EBF1: variants seen among roughly 807,000 people sequenced by gnomAD.
EBF1 encodes transcription factor COE1.
EBF1 carries 10 observed loss-of-function variants against 68.4 expected under a neutral mutation model. The ratio of observed to expected loss-of-function variants is 0.15; its 90% CI spans 0.09 to 0.25. The LOEUF (loss-of-function observed/expected upper bound fraction) is 0.25. EBF1 is among the 10% of genes least tolerant of loss of function. The pLI is 1.00. For synonymous variants in EBF1, 298 were observed against 299.8 expected, an observed-to-expected ratio of 0.99 and a Z score of 0.06; for missense variants, 509 against 794.4, an observed-to-expected ratio of 0.64 and a Z score of 4.32.
intron 10 of EBF1, among the ~76,000 whole-genome samples, chr5:158,749,776 G>T (rs1195666625): frequency 2.6e-5 from 4 of 152,048 alleles, no homozygotes; most frequent in Admixed American, 2.6e-4. Flanking sequence ...GTTGGATTTA[G>T]CATATCAACA....
chr5:158,919,294 G>A (rs1345110434), intron 6 of EBF1, among the ~76,000 whole-genome samples: 1 of 151,658 alleles, frequency 6.6e-6, no homozygotes, highest in Non-Finnish European at 1.5e-5. Context: ...GGGGGAACAT[G>A]GTACTCATGT....
intron 4 of EBF1, among the ~76,000 whole-genome samples, chr5:159,085,949 C>T (rs769547902): frequency 2.0e-5 from 3 of 151,978 alleles, no homozygotes; most frequent in Non-Finnish European, 4.4e-5. Context: ...TATCTGATCC[C>T]GTTACAAAAT....
intron 6 of EBF1, among the ~76,000 whole-genome samples, chr5:158,922,975 A>G (rs1339968974): frequency 6.6e-6 from 1 of 152,256 alleles, no homozygotes; most frequent in African/African-American, 2.4e-5. Flanking sequence ...TAAGTGGCTA[A>G]TTGCAGCCGA....
At chr5:159,032,298 C>T (rs1311028255) in intron 6 of EBF1, among the ~76,000 whole-genome samples, 2 of 152,194 alleles carry the variant, frequency 1.3e-5, no homozygotes, top group Non-Finnish European at 2.9e-5. Flanking sequence ...GAATAATTTA[C>T]TTAATTTTTC....
intron 6 of EBF1, among the ~76,000 whole-genome samples, chr5:158,960,466 G>A (rs1270508711): frequency 6.6e-6 from 1 of 151,930 alleles, no homozygotes; most frequent in Non-Finnish European, 1.5e-5. Context: ...GCAAAAGAAA[G>A]ACTCTAAAAC....
chr5:159,080,561 C>T (rs995386842), intron 5 of EBF1, among the ~76,000 whole-genome samples: 2 of 152,184 alleles, frequency 1.3e-5, no homozygotes, highest in African/African-American at 2.4e-5. Context: ...TTCTTTTATC[C>T]TCATTCACAC....
At chr5:158,812,416 C>A (rs1337177583) in intron 8 of EBF1, among the ~76,000 whole-genome samples, 5 of 152,156 alleles carry the variant, frequency 3.3e-5, no homozygotes, top group African/African-American at 1.2e-4. Context: ...GCAGCAGGCA[C>A]TCTATTCTCT....
chr5:159,014,751 C>T (rs1307649335), intron 6 of EBF1, among the ~76,000 whole-genome samples: 1 of 152,168 alleles, frequency 6.6e-6, no homozygotes, highest in Non-Finnish European at 1.5e-5. Flanking sequence ...GAGATGAAAG[C>T]AGGGTGCTAT....
chr5:158,712,261 T>C lies in EBF1; in HGVS notation c.1442A>G (p.Tyr481Cys). 1 of 1,614,102 alleles carries C rather than the reference T, an allele frequency of 6.2e-7. No individual in the cohort carries two copies. The highest frequency in any genetic ancestry group is 1.1e-5 in the South Asian group (1 of 91,042). Residue 481 changes from tyrosine to cysteine, a missense_variant, in exon 14 of 16, where the codon TAT becomes TGT. Physicochemically the swap from Tyr to Cys is radical, Grantham distance 194. This residue lies in a region of EBF1 where 205 missense variants were observed against 247.4 expected (regional missense o/e 0.83). Transcript: ENST00000313708. ...VPSTTPQQTN[Y>C]NSVTTSMNGY... ...GTTCATGCTCGTGGTGACGGAGTTA[T>C]AGTTGGTCTGCTGGGGAGTGGTGCT... is the stretch of plus-strand genomic sequence containing the variant.
intron 10 of EBF1, among the ~76,000 whole-genome samples, chr5:158,771,589 G>A (rs963621722): frequency 4.6e-5 from 7 of 152,128 alleles, no homozygotes; most frequent in Non-Finnish European, 1.0e-4. Flanking sequence ...ATAAGATTGA[G>A]GAAGAGTTTC....
chr5:158,795,096 T>C (rs1779375911), intron 9 of EBF1, among the ~76,000 whole-genome samples: 1 of 152,156 alleles, frequency 6.6e-6, no homozygotes, highest in East Asian at 1.9e-4. Flanking sequence ...GTAAGCAGTA[T>C]ACACAGAAGG....
At chr5:159,061,116 C>CT (rs1422681176) in intron 6 of EBF1, among the ~76,000 whole-genome samples, 10 of 152,070 alleles carry the variant, frequency 6.6e-5, no homozygotes, top group African/African-American at 2.4e-4. Context: ...CTGGGTATTT[C>CT]TTAATTATTA....
In EBF1 at chr5:158,696,373, C is replaced by T. The variant is rs952573813; in HGVS notation, c.*2738G>A. ...GAAGCAACAAAACACAAATTATACA[C>T]ATTTTAAAGGCTCTTTGGACTTTCA... On this transcript the variant is annotated 3_prime_UTR_variant, in exon 16 of 16. Coordinates refer to ENST00000313708, the MANE Select transcript of EBF1 (RefSeq NM_024007.5). 1.4e-5 allele frequency: 3 copies of T among 221,928 alleles called. No individual in the cohort carries two copies. The highest frequency in any genetic ancestry group is 2.7e-5 in the Non-Finnish European group (3 of 110,936). The allele number at this position is 221,928 out of a possible 1,614,324, so 13.7% of individuals were successfully genotyped here.
In EBF1 at chr5:158,807,035, T is replaced by G. The variant is rs75856348; in HGVS notation, c.779-10560A>C. 1.8e-3 allele frequency among the ~76,000 whole-genome samples: 278 copies of G among 152,292 alleles called. 2 individuals are homozygous for G. The highest frequency in any genetic ancestry group is 6.5e-3 in the African/African-American group (271 of 41,582). On this transcript the variant is annotated intron_variant, in intron 8 of 15. Coordinates refer to ENST00000313708, the MANE Select transcript of EBF1 (RefSeq NM_024007.5). ...CATTTCAAGTAGTCAATAGTTATAG[T>G]GGCTAGTAGCTATCATATTGGACAG...
intron 6 of EBF1, among the ~76,000 whole-genome samples, chr5:158,874,620 G>A (rs971132651): frequency 6.6e-6 from 1 of 152,158 alleles, no homozygotes; most frequent in African/African-American, 2.4e-5. Flanking sequence ...ATTACGCTGT[G>A]TGTAGACAGG....
rs73300087 is a variant in EBF1 at position 158,915,282 on chromosome 5, T to C, written c.555-75172A>G. On this transcript the variant is annotated intron_variant, in intron 6 of 15. Transcript: ENST00000313708. Reference sequence around the variant, plus strand: ...CTTCTTTGCTGGTACTTTTGGATTGTAGGAAAATAAATGTTTAGAAATGCC... The same window carrying C: ...CTTCTTTGCTGGTACTTTTGGATTGCAGGAAAATAAATGTTTAGAAATGCC... Among the ~76,000 whole-genome samples the C allele has an allele frequency of 9.3e-3, 1,424 of 152,308 alleles. 16 individuals are homozygous for C. Among genetic ancestry groups the C allele is most frequent in the African/African-American group, 0.033 (1,356 of 41,554 alleles).
chr5:158,820,235 C>T (rs1216179812), intron 8 of EBF1, among the ~76,000 whole-genome samples: 1 of 151,004 alleles, frequency 6.6e-6, no homozygotes, highest in Non-Finnish European at 1.5e-5. Context: ...CATGCTTTGC[C>T]GTCTCACCAT....
chr5:158,919,845 T>G (rs1241093629), intron 6 of EBF1, among the ~76,000 whole-genome samples: 3 of 152,226 alleles, frequency 2.0e-5, no homozygotes, highest in African/African-American at 7.2e-5. Context: ...ATCTGAAGTT[T>G]ATCAAGATTA....
chr5:158,974,615 C>T lies in EBF1; in HGVS notation c.554+98781G>A, dbSNP rs566535222. On this transcript the variant is annotated intron_variant, in intron 6 of 15. Coordinates refer to ENST00000313708, the MANE Select transcript of EBF1 (RefSeq NM_024007.5). The stretch of plus-strand genomic sequence containing the variant: ...TCTTTAAGGCGCTGTCATGATCAAT[C>T]GTAAAAATACATATTTAGAACATTT... 9.2e-5 allele frequency among the ~76,000 whole-genome samples: 14 copies of T among 152,056 alleles called. 1 individual carries two copies. The highest frequency in any genetic ancestry group is 1.6e-4 in the Non-Finnish European group (11 of 67,998).
Sources: gnomAD v4.1 joint callset for allele counts (sites outside exome capture counted in the v4.1 genomes callset) on GRCh38, gnomAD v4.1.1 for gene constraint, gnomAD v4.1.1 regional missense constraint, MANE v1.5 for transcripts, NCBI Gene and HGNC (gene_info 2026-07-23, HGNC 2026-07-21) for gene names.